NT5C1B: variants seen among roughly 807,000 people sequenced by gnomAD.
The protein encoded by NT5C1B is cytosolic 5'-nucleotidase 1B.
NT5C1B carries 44 observed loss-of-function variants against 57.8 expected under a neutral mutation model. That is an observed-to-expected ratio of 0.76 (90% CI 0.60 to 0.98). NT5C1B has a LOEUF of 0.98. Ranked by LOEUF, NT5C1B falls within the 50% of genes least tolerant of loss-of-function variation. The pLI, the probability that NT5C1B is intolerant of heterozygous loss-of-function variation, is 0.00. For missense variants in NT5C1B, 742 were observed against 719.5 expected (o/e 1.03, Z -0.36); for synonymous variants, 284 against 282.6 (o/e 1.00, Z -0.05).
At chr2:18,581,583 T>C (rs1480910963) in intron 6 of NT5C1B, among the ~76,000 whole-genome samples, 2 of 152,186 alleles carry the variant, frequency 1.3e-5, no homozygotes, top group Non-Finnish European at 2.9e-5. Flanking sequence ...GCTTTGGTAT[T>C]AGAAAATGCT....
intron 6 of NT5C1B, among the ~76,000 whole-genome samples, chr2:18,580,684 T>TAATC (rs1666108668): frequency 6.6e-6 from 1 of 152,160 alleles, no homozygotes; most frequent in African/African-American, 2.4e-5. Context: ...CAAAGACATG[T>TAATC]AATCAACCTA....
At chr2:18,571,622 T>C (rs1665164027) in intron 8 of NT5C1B, among the ~76,000 whole-genome samples, 1 of 150,326 alleles carries the variant, frequency 6.7e-6, no homozygotes, top group African/African-American at 2.4e-5. Flanking sequence ...AAAAAATTCT[T>C]GTAAAAATTT....
At chr2:18,585,196 G>C (rs367567281) in intron 3 of NT5C1B, 63 of 784,746 alleles carry the variant, frequency 8.0e-5, no homozygotes, top group Non-Finnish European at 1.4e-4. Context: ...TTCTCCCCTA[G>C]CTTCCCCATA....
intron 8 of NT5C1B, among the ~76,000 whole-genome samples, chr2:18,571,849 C>G (rs1665220615): frequency 6.7e-6 from 1 of 148,786 alleles, no homozygotes; most frequent in South Asian, 2.1e-4. Flanking sequence ...TGCCTGTAAT[C>G]CCAGCACTTT....
At chr2:18,582,447 C>T (rs903763891) in intron 6 of NT5C1B, among the ~76,000 whole-genome samples, 6 of 152,016 alleles carry the variant, frequency 3.9e-5, no homozygotes, top group Non-Finnish European at 7.4e-5. Context: ...AGAGAGCAGC[C>T]GGGGACAATC....
rs184186383 is a variant in NT5C1B at position 18,587,955 on chromosome 2, A to G, written c.31-363T>C. 5.0e-4 allele frequency among the ~76,000 whole-genome samples: 76 copies of G among 152,266 alleles called. 1 individual carries two copies. The highest frequency in any genetic ancestry group is 1.8e-3 in the African/African-American group (75 of 41,562). On this transcript the variant is annotated intron_variant, in intron 1 of 8. Coordinates refer to ENST00000304081, the Ensembl canonical transcript of NT5C1B. ...TACTCTGAAGATTGCTACTTATGGA[A>G]CTTACTTTTCCTTGCCATTTAGAAT...
At chr2:18,571,728 A>G (rs1258732976) in intron 8 of NT5C1B, among the ~76,000 whole-genome samples, 3,879 of 21,980 alleles carry the variant, frequency 0.18, 166 homozygotes, top group Admixed American at 0.27. Context: ...GTATATATAT[A>G]TATATATATA....
Position 18,582,881 on chromosome 2 carries a change from G to A in NT5C1B, c.1008C>T (p.Ser336=), listed in dbSNP as rs780305599. ...TATTTTACTTACCGTAGTGATTGAC[G>A]CTGTTTATAAGCCGCACTCCCACTT... is the stretch of plus-strand genomic sequence containing the variant. Residue 336 remains serine, a synonymous_variant, in exon 6 of 9, where the codon AGC becomes AGT. Coordinates refer to ENST00000304081, the Ensembl canonical transcript of NT5C1B. The A allele has an allele frequency of 9.3e-6, 15 of 1,613,482 alleles. No individual in the cohort carries two copies. The Middle Eastern group carries it at 5.0e-4, about 54-fold the overall frequency.
At position 18,584,907 on chromosome 2, in the gene NT5C1B, C is replaced by T. The variant is rs200689028; in HGVS notation, c.330G>A (p.Pro110=). ...GCTGGAGCGAGGGCTGCCCGGACAGCGGCGGCGGTGAGGAGTCATGCAGGC... is the reference window on the plus strand; with the variant it reads ...GCTGGAGCGAGGGCTGCCCGGACAGTGGCGGCGGTGAGGAGTCATGCAGGC... The change falls in exon 4 of 9, where the codon CCG becomes CCA. Residue 110 remains proline (P), a synonymous_variant. Coordinates refer to ENST00000304081, the Ensembl canonical transcript of NT5C1B. This position sits in a 1 kb window ranked among gnomAD's most constrained non-coding sequence, Gnocchi z 5.8. The T allele has an allele frequency of 6.7e-4, 1,048 of 1,554,846 alleles. 16 individuals are homozygous for T. In the East Asian group the frequency reaches 0.017, roughly 25 times the overall value.
intron 8 of NT5C1B, among the ~76,000 whole-genome samples, chr2:18,568,504 A>T (rs1190720920): frequency 6.6e-6 from 1 of 152,208 alleles, no homozygotes; most frequent in East Asian, 1.9e-4. Flanking sequence ...TACACAAAGA[A>T]AGGAAGATCT....
At chr2:18,570,080 A>T (rs1665013424) in intron 8 of NT5C1B, among the ~76,000 whole-genome samples, 1 of 152,138 alleles carries the variant, frequency 6.6e-6, no homozygotes, top group African/African-American at 2.4e-5. Flanking sequence ...ATATATGATA[A>T]TTAAATAACC....
At chr2:18,582,919 T>A (rs1666309293) in exon 6 of NT5C1B, 1 of 1,613,958 alleles carries the variant, frequency 6.2e-7, no homozygotes, top group African/African-American at 1.3e-5. Context: ...GCATGGTTAT[T>A]AGTCATCAGT....
At chr2:18,567,711 G>C (rs561755811) in intron 8 of NT5C1B, among the ~76,000 whole-genome samples, 1 of 152,256 alleles carries the variant, frequency 6.6e-6, no homozygotes, top group South Asian at 2.1e-4. Context: ...ATAATTGCTA[G>C]TCCCACAGTA....
At position 18,584,854 on chromosome 2, in the gene NT5C1B, G is replaced by A; in HGVS notation, c.383C>T (p.Ser128Leu). The A allele has an allele frequency of 6.2e-7, 1 of 1,606,562 alleles. No individual in the cohort carries two copies. The highest frequency in any genetic ancestry group is 8.5e-7 in the Non-Finnish European group (1 of 1,177,660). ...GGGCGTGGGAGGCCGCGAGTCCAGC[G>A]ACCGGGGCAGCTGGGGCGACGCGGG... The change falls in exon 4 of 9, where the codon TCG becomes TTG. Residue 128 changes from serine to leucine, a missense_variant. Transcript: ENST00000304081. This position sits in a 1 kb window ranked among gnomAD's most constrained non-coding sequence, Gnocchi z 5.8.
chr2:18,571,323 A>G (rs545085412), intron 8 of NT5C1B, among the ~76,000 whole-genome samples: 2 of 152,342 alleles, frequency 1.3e-5, no homozygotes, highest in Non-Finnish European at 2.9e-5. Context: ...GAAATTGAAC[A>G]AGGTTGCAGA....
At chr2:18,583,632 G>T (rs564398611) in intron 5 of NT5C1B, 2 of 354,250 alleles carry the variant, frequency 5.6e-6, no homozygotes, top group Admixed American at 7.5e-5. Context: ...TTCAGTGTAA[G>T]TTCAGAGAAC....
chr2:18,584,093 C>A lies in NT5C1B; in HGVS notation c.886G>T (p.Val296Phe), dbSNP rs769662251. The change falls in exon 5 of 9, where the codon GTC becomes TTC. Residue 296 changes from valine (V) to phenylalanine (F), a missense_variant. Transcript: ENST00000304081. The surrounding 1 kb of genome is among the most constrained non-coding windows in gnomAD (Gnocchi z 5.8). ...AAAGACAGCTTGCAGAATACCTTGA[C>A]GAAGCGGAACGCCGGGCCCGGGGTC... The A allele has an allele frequency of 1.9e-6, 3 of 1,614,048 alleles. No homozygotes were observed. Among genetic ancestry groups the A allele is most frequent in the Non-Finnish European group, 2.5e-6 (3 of 1,180,040 alleles).
intron 6 of NT5C1B, among the ~76,000 whole-genome samples, chr2:18,577,887 A>C (rs1665848615): frequency 6.6e-6 from 1 of 152,126 alleles, no homozygotes; most frequent in Non-Finnish European, 1.5e-5. Context: ...AAAAACAGAG[A>C]GAAAAATCCA....
chr2:18,589,327 C>T, intron 1 of NT5C1B, 112 bp downstream of exon 1: 1 of 1,413,556 alleles, frequency 7.1e-7, no homozygotes, highest in South Asian at 1.2e-5. Context: ...TACCTGAAGC[C>T]ATTATCTGAA....
Sources: allele counts gnomAD v4.1 joint callset (sites outside exome capture counted in the v4.1 genomes callset), GRCh38; gene constraint gnomAD v4.1.1; non-coding constraint Gnocchi (gnomAD v3.1); transcripts MANE v1.5; gene names NCBI Gene and HGNC (gene_info 2026-07-23, HGNC 2026-07-21).